Variants in NCOR1 observed in about 807,000 individuals in gnomAD.
NCOR1 encodes the protein nuclear receptor corepressor 1, also known as protein phosphatase 1, regulatory subunit 109.
Under a neutral mutation model 288.1 loss-of-function variants are expected in NCOR1, and 63 were observed. That is an observed-to-expected ratio of 0.22 (90% CI 0.18 to 0.27). The LOEUF is 0.27. NCOR1 is among the 10% of genes least tolerant of loss of function. The probability of loss-of-function intolerance (pLI) is 1.00; values close to 1 mark genes in which losing one functional copy is unlikely to be tolerated. For synonymous variants in NCOR1, 1,007 were observed against 1,065.9 expected (o/e 0.94, Z 1.08); for missense variants, 2,397 against 3,019.2 (o/e 0.79, Z 4.83).
Position 16,158,534 on chromosome 17 carries a change from T to C in NCOR1, c.732+226A>G, listed in dbSNP as rs932778141. Among the ~76,000 whole-genome samples the C allele has an allele frequency of 4.6e-5, 7 of 152,284 alleles. No homozygotes were observed. In the South Asian group the frequency reaches 6.2e-4, roughly 14 times the overall value. On this transcript the variant is annotated intron_variant, in intron 6 of 45. Coordinates refer to ENST00000268712, the MANE Select transcript of NCOR1 (RefSeq NM_006311.4). ...GATTAAATATTTATAAAATACATAA[T>C]GTAAAATGAAATATTACATAATTTA...
At chr17:16,068,992 G>T (rs2061440595) in intron 31 of NCOR1, among the ~76,000 whole-genome samples, 1 of 151,914 alleles carries the variant, frequency 6.6e-6, no homozygotes, top group African/African-American at 2.4e-5. Context: ...TGGGATTATG[G>T]GTATGAGCTG....
Position 16,196,101 on chromosome 17 carries a change from T to C in NCOR1, c.-70-1462A>G, listed in dbSNP as rs1374589571. 3.3e-5 allele frequency among the ~76,000 whole-genome samples: 5 copies of C among 149,842 alleles called. No individual in the cohort carries two copies. The South Asian group carries it at 6.2e-4, about 19-fold the overall frequency. On this transcript the variant is annotated intron_variant, in intron 1 of 45. Coordinates refer to ENST00000268712, the MANE Select transcript of NCOR1 (RefSeq NM_006311.4). ...TACCTAATTGGGTGGTTTTAAAAAA[T>C]AGAATTTATATATGATGAAAATTAT...
chr17:16,101,374 T>C lies in NCOR1; in HGVS notation c.2566A>G (p.Arg856Gly). 1.2e-6 allele frequency: 2 copies of C among 1,614,240 alleles called. No homozygotes were observed. Among genetic ancestry groups the C allele is most frequent in the South Asian group, 1.1e-5 (1 of 91,088 alleles). The change falls in exon 20 of 46, where the codon AGA (arginine) becomes GGA (glycine). Residue 856 changes from arginine to glycine, a missense_variant. Arg to Gly is a moderately radical substitution (Grantham distance 125). Transcript: ENST00000268712. ...LDRASEKVEP[R>G]DEDLVVAQQI... is the part of the protein sequence containing the mutation. ...TGAGCTACCACCAAATCTTCATCTC[T>C]AGGTTCCACCTTCTCACTGGCTCTA...
At chr17:16,172,193 A>T (rs919414743) in intron 3 of NCOR1, among the ~76,000 whole-genome samples, 198 bp from the exon 4 acceptor site, 9 of 152,116 alleles carry the variant, frequency 5.9e-5, no homozygotes, top group African/African-American at 2.2e-4. Context: ...TCTAATTTTT[A>T]AAAAAGGTTT....
At chr17:16,112,338 G>T (rs1027807438) in intron 18 of NCOR1, among the ~76,000 whole-genome samples, 5 of 152,066 alleles carry the variant, frequency 3.3e-5, no homozygotes, top group African/African-American at 1.2e-4. Context: ...TAACCTAAAG[G>T]CCGCTTTGTA....
At chr17:16,075,471 C>T (rs1354462054) in intron 27 of NCOR1, 63 bp downstream of exon 27, 1 of 1,555,108 alleles carries the variant, frequency 6.4e-7, no homozygotes, top group East Asian at 2.3e-5. Context: ...TGCGGGAAAA[C>T]CCAAGCCTAT....
intron 41 of NCOR1, among the ~76,000 whole-genome samples, chr17:16,047,762 CAG>C (rs1362080829): frequency 1.3e-5 from 2 of 152,148 alleles, no homozygotes; most frequent in Non-Finnish European, 2.9e-5. Flanking sequence ...GAGATGAGAA[CAG>C]AGACTATAGG....
chr17:16,094,022 C>G (rs571661423), intron 21 of NCOR1, among the ~76,000 whole-genome samples: 157 of 152,186 alleles, frequency 1.0e-3, no homozygotes, highest in African/African-American at 3.4e-3. Flanking sequence ...ATCCTTCCAC[C>G]TCAGCCTCCC....
At chr17:16,032,543 C>T in intron 45 of NCOR1, 60 bp from the exon 46 acceptor site, 1 of 1,472,530 alleles carries the variant, frequency 6.8e-7, no homozygotes, top group East Asian at 2.3e-5. Context: ...TCATCCAATC[C>T]AACTTTTGTA....
chr17:16,101,932 C>G, intron 19 of NCOR1, 175 bp from the exon 20 acceptor site: 3 of 804,366 alleles, frequency 3.7e-6, no homozygotes. Context: ...GAAGTATTTA[C>G]AGCCATTGAG....
intron 1 of NCOR1, among the ~76,000 whole-genome samples, chr17:16,200,211 G>C (rs2090578346): frequency 6.6e-6 from 1 of 152,044 alleles, no homozygotes; most frequent in African/African-American, 2.4e-5. Context: ...AAAATGGCCA[G>C]GCACAGTGGC....
intron 40 of NCOR1, among the ~76,000 whole-genome samples, chr17:16,054,599 T>C (rs2059703136): frequency 6.6e-6 from 1 of 151,656 alleles, no homozygotes; most frequent in South Asian, 2.1e-4. Flanking sequence ...CCAAGAAGCA[T>C]ATGAAAAAAA....
intron 1 of NCOR1, among the ~76,000 whole-genome samples, chr17:16,208,615 C>T (rs948895076): frequency 1.3e-5 from 2 of 151,634 alleles, no homozygotes; most frequent in Admixed American, 1.3e-4. Flanking sequence ...CTTCAGGAGG[C>T]CAAGGTGGGA....
intron 1 of NCOR1, among the ~76,000 whole-genome samples, chr17:16,200,495 C>CAAAAAAA (rs55957034): frequency 3.3e-5 from 2 of 60,682 alleles, no homozygotes; most frequent in Non-Finnish European, 5.6e-5. Context: ...GACTCCATCT[C>CAAAAAAA]AAAAAAAAAA....
chr17:16,045,936 C>T (rs1298017700), intron 42 of NCOR1, among the ~76,000 whole-genome samples: 1 of 152,150 alleles, frequency 6.6e-6, no homozygotes, highest in East Asian at 1.9e-4. Flanking sequence ...CTCAGCTTCC[C>T]ATGTAAATAG....
At chr17:16,214,310 T>A (rs1267262634) in intron 1 of NCOR1, among the ~76,000 whole-genome samples, 1 of 152,202 alleles carries the variant, frequency 6.6e-6, no homozygotes, top group East Asian at 1.9e-4. Context: ...TGACCCAGCA[T>A]CAGCAGCTAT....
intron 44 of NCOR1, 139 bp downstream of exon 44, chr17:16,039,294 T>G (rs571859734): frequency 1.3e-5 from 11 of 817,190 alleles, no homozygotes; most frequent in South Asian, 1.3e-4. Flanking sequence ...AAACCTTTTT[T>G]AAGTAACGGA....
chr17:16,116,289 T>A (rs950494431), intron 18 of NCOR1, among the ~76,000 whole-genome samples: 1 of 152,192 alleles, frequency 6.6e-6, no homozygotes, highest in South Asian at 2.1e-4. Context: ...TATCACATTA[T>A]AACATCATGA....
chr17:16,154,253 T>A (rs2079346744), intron 6 of NCOR1, among the ~76,000 whole-genome samples: 1 of 152,184 alleles, frequency 6.6e-6, no homozygotes, highest in Non-Finnish European at 1.5e-5. Context: ...CTTCCCTTGC[T>A]AAGATTAATC....
Sources: allele counts gnomAD v4.1 joint callset (sites outside exome capture counted in the v4.1 genomes callset), GRCh38; gene constraint gnomAD v4.1.1; transcripts MANE v1.5; gene names NCBI Gene and HGNC (gene_info 2026-07-23, HGNC 2026-07-21).